The following ATG5 variants were observed in gnomAD, a reference collection of about 807,000 sequenced individuals.
ATG5 encodes the protein autophagy related 5, also known as autophagy protein 5.
A neutral mutation model predicts 36.5 loss-of-function variants in ATG5; 14 were observed. The ratio of observed to expected loss-of-function variants is 0.38; its 90% CI spans 0.25 to 0.60. ATG5 has a LOEUF of 0.60. ATG5 is among the 20% of genes least tolerant of loss of function. The pLI is 0.60. For synonymous variants in ATG5, 95 were observed against 101.5 expected (o/e 0.94, Z 0.38); for missense variants, 195 against 326.7 (o/e 0.60, Z 3.11).
chr6:106,281,140 A>C (rs1343703905), intron 4 of ATG5, among the ~76,000 whole-genome samples: 1 of 152,218 alleles, frequency 6.6e-6, no homozygotes, highest in Non-Finnish European at 1.5e-5. Flanking sequence ...ACTGATGGAA[A>C]GCAGGAATTA....
Position 106,246,371 on chromosome 6 carries a change from G to GTC in ATG5, c.573+1777_573+1778dup, listed in dbSNP as rs761408773. Among the ~76,000 whole-genome samples, 489 of 124,664 alleles carry GTC rather than the reference G, an allele frequency of 3.9e-3. 2 individuals are homozygous for GTC. The highest frequency in any genetic ancestry group is 0.014 in the Middle Eastern group (3 of 222). The allele number at this position is 124,664 out of a possible 152,430, so 81.8% of individuals were successfully genotyped here. A position where few individuals can be genotyped will look rare whatever the true frequency, so the allele number is the denominator to read the frequency against. Reference sequence around the variant, plus strand: ...TAAAAACCATTCTCTCTCTGTCTCTGTCTCTCTCTCTCTCTCTCTCTCACA... The same window carrying GTC: ...TAAAAACCATTCTCTCTCTGTCTCTGTCTCTCTCTCTCTCTCTCTCTCTCACA... On this transcript the variant is annotated intron_variant, in intron 6 of 7. Coordinates refer to ENST00000369076, the MANE Select transcript of ATG5 (RefSeq NM_004849.4).
At chr6:106,324,013 A>G (rs1005947945) in intron 1 of ATG5, among the ~76,000 whole-genome samples, 2 of 151,986 alleles carry the variant, frequency 1.3e-5, no homozygotes, top group East Asian at 3.9e-4. Context: ...TAGGCCTCCA[A>G]GTTAATATCA....
chr6:106,230,961 C>T (rs1266848015), intron 6 of ATG5, among the ~76,000 whole-genome samples: 1 of 152,134 alleles, frequency 6.6e-6, no homozygotes, highest in Non-Finnish European at 1.5e-5. Context: ...TTATGCCCTA[C>T]AGGAAGCCCT....
chr6:106,288,144 T>C (rs569633942), intron 4 of ATG5, among the ~76,000 whole-genome samples: 4 of 152,144 alleles, frequency 2.6e-5, no homozygotes, highest in Non-Finnish European at 5.9e-5. Context: ...CTAATTTTTG[T>C]ATTTTTAGTA....
chr6:106,261,189 AT>A (rs529576052), intron 5 of ATG5, among the ~76,000 whole-genome samples: 284 of 152,338 alleles, frequency 1.9e-3, no homozygotes, highest in Admixed American at 2.4e-3. Context: ...CAGAACACAC[AT>A]TATTTCAAAA....
At chr6:106,246,932 T>G (rs756435593) in intron 6 of ATG5, among the ~76,000 whole-genome samples, 27 of 152,208 alleles carry the variant, frequency 1.8e-4, no homozygotes, top group Non-Finnish European at 3.4e-4. Context: ...TTCTAGAACC[T>G]GGACACAAAG....
At chr6:106,258,358 G>T (rs886206123) in intron 5 of ATG5, among the ~76,000 whole-genome samples, 8 of 151,822 alleles carry the variant, frequency 5.3e-5, no homozygotes, top group African/African-American at 1.9e-4. Flanking sequence ...GGGTGACAGA[G>T]CAAGGAGGCC....
At chr6:106,215,403 T>TTA (rs1288841969) in intron 6 of ATG5, among the ~76,000 whole-genome samples, 3 of 152,164 alleles carry the variant, frequency 2.0e-5, no homozygotes, top group Non-Finnish European at 4.4e-5. Context: ...ACGCTAAAGT[T>TTA]TATAACATGG....
At chr6:106,310,558 G>C (rs1316649804) in intron 2 of ATG5, among the ~76,000 whole-genome samples, 1 of 151,012 alleles carries the variant, frequency 6.6e-6, no homozygotes, top group Non-Finnish European at 1.5e-5. Flanking sequence ...TTTTTTCAAT[G>C]TGGTAAAATA....
chr6:106,222,458 A>G (rs1777286581), intron 6 of ATG5, among the ~76,000 whole-genome samples: 1 of 152,186 alleles, frequency 6.6e-6, no homozygotes, highest in African/African-American at 2.4e-5. Flanking sequence ...TAGCTGTTTC[A>G]ATCTCTTCAT....
In ATG5 at chr6:106,279,689, GTGATCTTTTTTC is replaced by G; in HGVS notation, c.438_449del (p.Gln146_Asp149del). 6.2e-7 allele frequency: 1 copy of G among 1,601,338 alleles called. No homozygotes were observed. Among genetic ancestry groups the G allele is most frequent in the Non-Finnish European group, 8.5e-7 (1 of 1,174,792 alleles). ...TTTGCAATCCCATCCAGAGTTGCTTGTGATCTTTTTTCTGCATTTCATTGATTACTTGACTTT... is the reference window on the plus strand; with the variant it reads ...TTTGCAATCCCATCCAGAGTTGCTTGTGCATTTCATTGATTACTTGACTTT... On this transcript the variant is annotated inframe_deletion, in exon 5 of 8. Transcript: ENST00000369076.
At chr6:106,317,795 A>G (rs760047653) in intron 1 of ATG5, among the ~76,000 whole-genome samples, 32 of 152,362 alleles carry the variant, frequency 2.1e-4, no homozygotes, top group Non-Finnish European at 2.4e-4. Context: ...TGAAAATAGG[A>G]AAGACCTCAC....
intron 4 of ATG5, among the ~76,000 whole-genome samples, chr6:106,288,309 T>TA (rs934564591): frequency 4.6e-5 from 7 of 152,110 alleles, no homozygotes; most frequent in Non-Finnish European, 7.4e-5. Flanking sequence ...TTTTTTAATA[T>TA]AAAAAACTGG....
At chr6:106,292,042 C>A (rs761660504) in intron 4 of ATG5, among the ~76,000 whole-genome samples, 1 of 152,190 alleles carries the variant, frequency 6.6e-6, no homozygotes, top group African/African-American at 2.4e-5. Flanking sequence ...GAAAGAAACT[C>A]AGACACCTAA....
intron 5 of ATG5, among the ~76,000 whole-genome samples, chr6:106,278,578 T>C (rs772971691): frequency 2.2e-4 from 34 of 152,234 alleles, no homozygotes; most frequent in Non-Finnish European, 3.2e-4. Context: ...TCTAGTCTCT[T>C]GAAGGGCAGC....
chr6:106,202,229 G>C, intron 6 of ATG5, 140 bp from the exon 7 acceptor site: 1 of 542,240 alleles, frequency 1.8e-6, no homozygotes, highest in Middle Eastern at 3.2e-4. Flanking sequence ...TCACAGATGT[G>C]GTATCACTGT....
chr6:106,252,556 A>T (rs1295187357), intron 5 of ATG5, among the ~76,000 whole-genome samples: 2 of 152,170 alleles, frequency 1.3e-5, no homozygotes, highest in African/African-American at 4.8e-5. Context: ...TCACATGGAC[A>T]AACTGCAGGA....
At chr6:106,304,741 G>A (rs575428795) in intron 3 of ATG5, among the ~76,000 whole-genome samples, 45 of 152,272 alleles carry the variant, frequency 3.0e-4, no homozygotes, top group African/African-American at 1.0e-3. Flanking sequence ...TCTTGATTTT[G>A]TAAGTAGCTA....
chr6:106,234,742 G>A (rs139870085), intron 6 of ATG5, among the ~76,000 whole-genome samples: 10 of 152,212 alleles, frequency 6.6e-5, no homozygotes, highest in Non-Finnish European at 8.8e-5. Flanking sequence ...TTTTGTTATC[G>A]GAGCAGGAGT....
Sources: gnomAD v4.1 joint callset for allele counts (sites outside exome capture counted in the v4.1 genomes callset) on GRCh38, gnomAD v4.1.1 for gene constraint, MANE v1.5 for transcripts, NCBI Gene and HGNC (gene_info 2026-07-23, HGNC 2026-07-21) for gene names.